ROBO1: variants seen among roughly 807,000 people sequenced by gnomAD.
The protein encoded by ROBO1 is roundabout homolog 1.
ROBO1 carries 149 observed loss-of-function variants against 195.9 expected under a neutral mutation model. The observed-to-expected ratio is 0.76, with a 90% CI of 0.67 to 0.87. The LOEUF is 0.87. Among genes scored for constraint, ROBO1 ranks in the 40% least tolerant of loss-of-function variants. The probability of loss-of-function intolerance (pLI) is 0.00; values close to 1 mark genes in which losing one functional copy is unlikely to be tolerated. For missense variants in ROBO1, 1,933 were observed against 2,068.3 expected (o/e 0.93, Z 1.27); for synonymous variants, 816 against 733.2 (o/e 1.11, Z -1.82).
chr3:79,415,959 G>A (rs1033286292), intron 2 of ROBO1, among the ~76,000 whole-genome samples: 1 of 151,966 alleles, frequency 6.6e-6, no homozygotes, highest in African/African-American at 2.4e-5. Flanking sequence ...TGGAGATCAA[G>A]GATGAAAAGA....
chr3:79,569,113 C>T (rs1011029262), intron 2 of ROBO1, among the ~76,000 whole-genome samples: 3 of 146,968 alleles, frequency 2.0e-5, no homozygotes, highest in Non-Finnish European at 3.0e-5. Flanking sequence ...GACACGCATG[C>T]GCGTGCACAC....
chr3:79,049,306 A>T (rs2078652624), intron 3 of ROBO1, among the ~76,000 whole-genome samples: 2 of 152,196 alleles, frequency 1.3e-5, no homozygotes, highest in African/African-American at 2.4e-5. Context: ...CAGTGATTGA[A>T]GATCAAATTA....
At chr3:79,354,010 A>T in intron 2 of ROBO1, among the ~76,000 whole-genome samples, 1 of 151,438 alleles carries the variant, frequency 6.6e-6, no homozygotes, top group East Asian at 1.9e-4. Context: ...CCACCATTGC[A>T]CTCCAGCCTG....
intron 2 of ROBO1, among the ~76,000 whole-genome samples, chr3:79,341,116 A>G (rs2034889984): frequency 6.6e-6 from 1 of 152,244 alleles, no homozygotes; most frequent in Non-Finnish European, 1.5e-5. Context: ...ATAGAAAACC[A>G]GAAACCCTCA....
At chr3:78,752,320 G>A (rs953738781) in intron 4 of ROBO1, among the ~76,000 whole-genome samples, 4 of 152,138 alleles carry the variant, frequency 2.6e-5, no homozygotes, top group Non-Finnish European at 4.4e-5. Flanking sequence ...CATACTTTGT[G>A]TCTGGCAGCT....
chr3:79,293,686 G>A (rs1234146813), intron 2 of ROBO1, among the ~76,000 whole-genome samples: 1 of 152,028 alleles, frequency 6.6e-6, no homozygotes, highest in African/African-American at 2.4e-5. Context: ...TCGTGAAAAT[G>A]GCCATACTGC....
At chr3:79,714,266 C>A (rs1296654379) in intron 1 of ROBO1, among the ~76,000 whole-genome samples, 1 of 152,134 alleles carries the variant, frequency 6.6e-6, no homozygotes, top group East Asian at 1.9e-4. Flanking sequence ...CATCACTGGC[C>A]ATCAGAGAAA....
At chr3:78,645,377 A>T (rs959092242) in intron 21 of ROBO1, among the ~76,000 whole-genome samples, 2 of 151,476 alleles carry the variant, frequency 1.3e-5, no homozygotes, top group African/African-American at 4.9e-5. Flanking sequence ...AGTTCACTGA[A>T]TTTGAATTAT....
intron 2 of ROBO1, among the ~76,000 whole-genome samples, chr3:79,161,468 G>A (rs2080965011): frequency 6.6e-6 from 1 of 152,028 alleles, no homozygotes; most frequent in Admixed American, 6.5e-5. Context: ...ATGCACTTGA[G>A]TAGAGGATAA....
chr3:78,733,533 A>G (rs2082328044), intron 5 of ROBO1, among the ~76,000 whole-genome samples: 1 of 152,192 alleles, frequency 6.6e-6, no homozygotes, highest in Non-Finnish European at 1.5e-5. Flanking sequence ...GGGAATTACT[A>G]AAAAGTATTG....
At chr3:78,842,859 A>C (rs1425915279) in intron 4 of ROBO1, among the ~76,000 whole-genome samples, 2 of 151,974 alleles carry the variant, frequency 1.3e-5, no homozygotes, top group Non-Finnish European at 2.9e-5. Flanking sequence ...TAACTCTAGG[A>C]ATTTATTTTA....
intron 4 of ROBO1, among the ~76,000 whole-genome samples, chr3:78,753,618 G>A (rs545786039): frequency 8.5e-5 from 13 of 152,084 alleles, no homozygotes; most frequent in South Asian, 2.1e-4. Flanking sequence ...TGCACCTATC[G>A]ACCTGACATC....
At chr3:79,270,164 T>A (rs1438926566) in intron 2 of ROBO1, among the ~76,000 whole-genome samples, 1 of 149,822 alleles carries the variant, frequency 6.7e-6, no homozygotes, top group Admixed American at 6.7e-5. Flanking sequence ...ATTTGGATAG[T>A]TTACATACAT....
chr3:79,264,754 T>G (rs2083004747), intron 2 of ROBO1, among the ~76,000 whole-genome samples: 1 of 151,946 alleles, frequency 6.6e-6, no homozygotes, highest in South Asian at 2.1e-4. Context: ...TACAAGGCAT[T>G]GAATGACATT....
intron 20 of ROBO1, 23 bp from the exon 21 acceptor site, chr3:78,646,213 AG>A: frequency 6.3e-7 from 1 of 1,597,256 alleles, no homozygotes; most frequent in Non-Finnish European, 8.6e-7. Context: ...GAAAAAAAAA[AG>A]GAACAATTAA....
intron 3 of ROBO1, among the ~76,000 whole-genome samples, chr3:79,032,817 A>G (rs1199094950): frequency 6.6e-6 from 1 of 152,036 alleles, no homozygotes; most frequent in Non-Finnish European, 1.5e-5. Context: ...TCTTTAATTT[A>G]TGTTCTTATC....
chr3:79,546,207 C>T (rs1001830158), intron 2 of ROBO1, among the ~76,000 whole-genome samples: 5 of 151,860 alleles, frequency 3.3e-5, no homozygotes, highest in Admixed American at 6.6e-5. Context: ...CTCTAGCTTA[C>T]GTTATTGCAA....
intron 2 of ROBO1, among the ~76,000 whole-genome samples, chr3:79,514,970 T>C (rs957858810): frequency 3.9e-5 from 6 of 152,214 alleles, no homozygotes; most frequent in African/African-American, 1.4e-4. Context: ...TTTAGAGAAA[T>C]GTTTCTGTGT....
chr3:78,961,322 A>G (rs2041335978), intron 3 of ROBO1, among the ~76,000 whole-genome samples: 2 of 152,202 alleles, frequency 1.3e-5, no homozygotes, highest in Non-Finnish European at 1.5e-5. Context: ...GATGGTCAAG[A>G]TGACACTACT....
Sources: allele counts gnomAD v4.1 joint callset (sites outside exome capture counted in the v4.1 genomes callset), GRCh38; gene constraint gnomAD v4.1.1; transcripts MANE v1.5; gene names NCBI Gene and HGNC (gene_info 2026-07-23, HGNC 2026-07-21).